RABGAP1L: variants seen among roughly 807,000 people sequenced by gnomAD.
The protein encoded by RABGAP1L is rab GTPase-activating protein 1-like.
RABGAP1L carries 63 observed loss-of-function variants against 137.7 expected under a neutral mutation model. The observed-to-expected ratio is 0.46, with a 90% CI of 0.37 to 0.56. The LOEUF (loss-of-function observed/expected upper bound fraction) is 0.56. Among genes scored for constraint, RABGAP1L ranks in the 20% least tolerant of loss-of-function variants. The probability of loss-of-function intolerance (pLI) is 0.00; values close to 1 mark genes in which losing one functional copy is unlikely to be tolerated. For missense variants in RABGAP1L, 1,095 were observed against 1,244.0 expected (o/e 0.88, Z 1.80); for synonymous variants, 431 against 433.7 (o/e 0.99, Z 0.08).
chr1:174,292,165 G>A (rs1003284589), intron 10 of RABGAP1L, among the ~76,000 whole-genome samples: 4 of 150,366 alleles, frequency 2.7e-5, no homozygotes, highest in Admixed American at 1.3e-4. Context: ...TGCCTCCTGA[G>A]TAGCTAGGAC....
chr1:174,901,244 C>T (rs1270647740), intron 19 of RABGAP1L, among the ~76,000 whole-genome samples: 2 of 152,066 alleles, frequency 1.3e-5, no homozygotes, highest in African/African-American at 2.4e-5. Context: ...TGTATTAATT[C>T]GTTCTCACAC....
chr1:174,973,383 TC>T (rs60240600), intron 21 of RABGAP1L, among the ~76,000 whole-genome samples: 25,797 of 146,574 alleles, frequency 0.18, 2,509 homozygotes, highest in Admixed American at 0.22. Context: ...TTCTTTCATT[TC>T]TTTTTTTTTT....
At chr1:174,296,335 G>A (rs1028969803) in intron 10 of RABGAP1L, among the ~76,000 whole-genome samples, 10 of 152,208 alleles carry the variant, frequency 6.6e-5, no homozygotes, top group African/African-American at 2.4e-4. Flanking sequence ...CAAAAGAGAT[G>A]CTGGGTACAA....
chr1:174,258,680 A>C (rs115298139), intron 7 of RABGAP1L, among the ~76,000 whole-genome samples: 163 of 152,370 alleles, frequency 1.1e-3, no homozygotes, highest in African/African-American at 3.8e-3. Context: ...CCTTCAAATT[A>C]CATAATTTTT....
chr1:174,164,054 A>C (rs1664720164), intron 1 of RABGAP1L, among the ~76,000 whole-genome samples: 1 of 151,930 alleles, frequency 6.6e-6, no homozygotes, highest in Non-Finnish European at 1.5e-5. Flanking sequence ...CAAATACTAG[A>C]ATTATCTGGA....
At chr1:174,841,940 C>T (rs934416941) in intron 19 of RABGAP1L, among the ~76,000 whole-genome samples, 4 of 151,370 alleles carry the variant, frequency 2.6e-5, no homozygotes, top group African/African-American at 9.7e-5. Context: ...ATGTAGATGC[C>T]AATAGGAGAT....
In RABGAP1L at chr1:174,654,020, A is replaced by C. The variant is rs986816881; in HGVS notation, c.1824+16532A>C. Among the ~76,000 whole-genome samples the C allele has an allele frequency of 3.9e-5, 6 of 152,356 alleles. No homozygotes were observed. In the South Asian group the frequency reaches 1.2e-3, roughly 32 times the overall value. On this transcript the variant is annotated intron_variant, in intron 14 of 25. Coordinates refer to ENST00000681986, the MANE Select transcript of RABGAP1L (RefSeq NM_001366446.1). ...AGGGAAGGAGCTGGGAGAGTCTCGG[A>C]GAGCCATTGGATCACAACCCAAGTC...
At chr1:174,389,796 C>G (rs183873270) in intron 12 of RABGAP1L, among the ~76,000 whole-genome samples, 47 of 152,138 alleles carry the variant, frequency 3.1e-4, no homozygotes, top group Admixed American at 5.9e-4. Context: ...AGATTCTTGC[C>G]ATTGTGGAGT....
intron 13 of RABGAP1L, among the ~76,000 whole-genome samples, chr1:174,398,647 T>TC (rs1391453592): frequency 6.6e-6 from 1 of 152,140 alleles, no homozygotes; most frequent in African/African-American, 2.4e-5. Context: ...AAACAACAAC[T>TC]CCATCTATAT....
intron 13 of RABGAP1L, among the ~76,000 whole-genome samples, chr1:174,520,350 GC>G (rs1663254875): frequency 6.6e-6 from 1 of 152,218 alleles, no homozygotes; most frequent in African/African-American, 2.4e-5. Flanking sequence ...TGACTTCACA[GC>G]AGAACTTGAG....
chr1:174,684,955 T>G (rs780046034), intron 15 of RABGAP1L, among the ~76,000 whole-genome samples: 8 of 151,884 alleles, frequency 5.3e-5, no homozygotes, highest in Admixed American at 1.3e-4. Flanking sequence ...CAGTCCAGCT[T>G]GGGCAATAGA....
intron 11 of RABGAP1L, among the ~76,000 whole-genome samples, chr1:174,335,296 C>T (rs1226620962): frequency 6.6e-6 from 1 of 152,178 alleles, no homozygotes; most frequent in African/African-American, 2.4e-5. Flanking sequence ...TTATTTTCAA[C>T]AATTTGCCTG....
intron 19 of RABGAP1L, among the ~76,000 whole-genome samples, chr1:174,840,701 A>C (rs1693286851): frequency 6.6e-6 from 1 of 151,606 alleles, no homozygotes; most frequent in African/African-American, 2.4e-5. Context: ...CTGTAATCCC[A>C]GCTACTTGGG....
chr1:174,267,282 A>G (rs1310982494), intron 7 of RABGAP1L, among the ~76,000 whole-genome samples: 1 of 152,198 alleles, frequency 6.6e-6, no homozygotes, highest in Non-Finnish European at 1.5e-5. Flanking sequence ...GCAACAATGA[A>G]TATTATGTCT....
Position 174,192,534 on chromosome 1 carries a change from C to A in RABGAP1L, c.-33-26591C>A, listed in dbSNP as rs140201442. The stretch of plus-strand genomic sequence containing the variant: ...GACAGGGTTTTACCATCTTGCCAGA[C>A]TGGTCTCGAACTTCCAACCTCAGGT... On this transcript the variant is annotated intron_variant, in intron 1 of 25. Coordinates refer to ENST00000681986, the MANE Select transcript of RABGAP1L (RefSeq NM_001366446.1). Among the ~76,000 whole-genome samples the A allele has an allele frequency of 9.8e-4, 149 of 152,162 alleles. 1 individual carries two copies. The highest frequency in any genetic ancestry group is 3.3e-3 in the African/African-American group (139 of 41,528).
At chr1:174,383,885 T>C (rs1012959487) in intron 12 of RABGAP1L, among the ~76,000 whole-genome samples, 1 of 152,194 alleles carries the variant, frequency 6.6e-6, no homozygotes. Context: ...AATAGCATGG[T>C]ATTTTATAAA....
intron 8 of RABGAP1L, among the ~76,000 whole-genome samples, chr1:174,273,751 C>T (rs1674745893): frequency 6.6e-6 from 1 of 152,002 alleles, no homozygotes; most frequent in South Asian, 2.1e-4. Context: ...GAGATTTGTC[C>T]ATAAAACCTA....
rs115353102 is a variant in RABGAP1L, at chr1:174,344,334, T to A, written c.1466-26645T>A. Among the ~76,000 whole-genome samples, 156 of 152,304 alleles carry A rather than the reference T, an allele frequency of 1.0e-3. 1 individual carries two copies. The highest frequency in any genetic ancestry group is 6.8e-3 in the Middle Eastern group (2 of 294). ...GTCAGCATTTTACATCTGTTCTGCA[T>A]AGTGTGAGGAAGTACTTTCTGGCCT... On this transcript the variant is annotated intron_variant, in intron 11 of 25. Transcript: ENST00000681986.
chr1:174,531,207 A>G (rs1664373981), intron 13 of RABGAP1L, among the ~76,000 whole-genome samples: 1 of 143,174 alleles, frequency 7.0e-6, no homozygotes, highest in South Asian at 2.1e-4. Context: ...AATACAGGTT[A>G]GTTATAACAC....
Sources: gnomAD v4.1 joint callset for allele counts (sites outside exome capture counted in the v4.1 genomes callset) on GRCh38, gnomAD v4.1.1 for gene constraint, MANE v1.5 for transcripts, NCBI Gene and HGNC (gene_info 2026-07-23, HGNC 2026-07-21) for gene names.